The following FAM149B1 variants were observed in gnomAD, a reference collection of about 807,000 sequenced individuals.
FAM149B1 encodes primary cilium assembly protein FAM149B1.
A neutral mutation model predicts 75.3 loss-of-function variants in FAM149B1; 56 were observed. The ratio of observed to expected loss-of-function variants is 0.74; its 90% confidence interval spans 0.60 to 0.93. The LOEUF (loss-of-function observed/expected upper bound fraction) is 0.93, where lower values mean the gene tolerates loss of function less well. FAM149B1 is among the 40% of genes least tolerant of loss of function. The pLI is 0.00. For missense variants in FAM149B1, 639 were observed against 708.4 expected, an observed-to-expected ratio of 0.90 and a Z score of 1.11; for synonymous variants, 259 against 256.1, an observed-to-expected ratio of 1.01 and a Z score of -0.11.
In FAM149B1 at chr10:73,225,236, C is replaced by A. The variant is rs558284080; in HGVS notation, c.899-2824C>A. Among the ~76,000 whole-genome samples the A allele has an allele frequency of 1.5e-4, 23 of 152,280 alleles. No individual in the cohort carries two copies. The South Asian group carries it at 4.8e-3, about 32-fold the overall frequency. Reference sequence around the variant, plus strand: ...TCTTTTAAAGTTAACTGTAAAATAGCCTCAGGTAGGTCCTTCAGGAGGTAT... The same window carrying A: ...TCTTTTAAAGTTAACTGTAAAATAGACTCAGGTAGGTCCTTCAGGAGGTAT... On this transcript the variant is annotated intron_variant, in intron 7 of 13. Coordinates refer to ENST00000242505, the MANE Select transcript of FAM149B1 (RefSeq NM_173348.2).
At chr10:73,171,970 A>G (rs1212960769) in intron 1 of FAM149B1, among the ~76,000 whole-genome samples, 1 of 152,148 alleles carries the variant, frequency 6.6e-6, no homozygotes, top group African/African-American at 2.4e-5. Context: ...TCTGTGAAAT[A>G]ACGAAAGCAA....
intron 3 of FAM149B1, among the ~76,000 whole-genome samples, chr10:73,188,660 G>A (rs1403904553): frequency 1.3e-5 from 2 of 151,676 alleles, no homozygotes; most frequent in Non-Finnish European, 2.9e-5. Context: ...GGTGGAGGTT[G>A]CAGTGAGGTG....
Position 73,177,800 on chromosome 10 carries a change from T to C in FAM149B1, c.153-46T>C, listed in dbSNP as rs899562884. On this transcript the variant is annotated intron_variant, in intron 2 of 13. Transcript: ENST00000242505. ...AATGCCACAGAAACTTGAGGACATA[T>C]GAAAAATTTTCTTTTTTCTCTCCTC... The C allele has an allele frequency of 2.5e-5, 38 of 1,540,470 alleles. No individual in the cohort carries two copies. The African/African-American group carries it at 4.4e-4, about 18-fold the overall frequency.
intron 7 of FAM149B1, among the ~76,000 whole-genome samples, chr10:73,214,588 T>C (rs1487300697): frequency 6.6e-6 from 1 of 152,272 alleles, no homozygotes; most frequent in Non-Finnish European, 1.5e-5. Context: ...ATTCTGTTTA[T>C]ATGATGTATC....
intron 7 of FAM149B1, among the ~76,000 whole-genome samples, chr10:73,226,492 G>A (rs1375485126): frequency 1.3e-5 from 2 of 152,144 alleles, no homozygotes; most frequent in African/African-American, 2.4e-5. Flanking sequence ...GCAACAGAGC[G>A]AGACTCTGTC....
intron 3 of FAM149B1, among the ~76,000 whole-genome samples, chr10:73,188,132 G>A (rs1161279203): frequency 2.6e-5 from 4 of 152,078 alleles, no homozygotes; most frequent in Non-Finnish European, 4.4e-5. Context: ...AAAGATGGAC[G>A]TGTAGTCAAT....
chr10:73,235,428 A>G, intron 12 of FAM149B1, 110 bp downstream of exon 12: 1 of 1,475,836 alleles, frequency 6.8e-7, no homozygotes, highest in Non-Finnish European at 9.0e-7. Context: ...ACCCAGAATA[A>G]AAGTTGAGTT....
rs556654714 is a variant in FAM149B1 at position 73,213,888 on chromosome 10, G to A, written c.898+3450G>A. Among the ~76,000 whole-genome samples the A allele has an allele frequency of 2.1e-3, 322 of 152,068 alleles. 1 individual carries two copies. The highest frequency in any genetic ancestry group is 5.6e-3 in the South Asian group (27 of 4,812). On this transcript the variant is annotated intron_variant, in intron 7 of 13. Coordinates refer to ENST00000242505, the MANE Select transcript of FAM149B1 (RefSeq NM_173348.2). The stretch of plus-strand genomic sequence containing the variant: ...ATTGGTAATTTGATAGGGATTGTGT[G>A]GAATCTGTAGACTGATTGATCTGTA...
intron 7 of FAM149B1, among the ~76,000 whole-genome samples, chr10:73,223,286 AAATTTTGTAAG>A (rs1247731787): frequency 6.6e-6 from 1 of 152,176 alleles, no homozygotes; most frequent in Non-Finnish European, 1.5e-5. Flanking sequence ...GCCTGTTTTA[AAATTTTGTAAG>A]AATGGATTCA....
chr10:73,211,216 G>A (rs1253304434), intron 7 of FAM149B1, among the ~76,000 whole-genome samples: 4 of 152,116 alleles, frequency 2.6e-5, no homozygotes, highest in Non-Finnish European at 1.5e-5. Flanking sequence ...GTTGGCCATC[G>A]CTGATTAACT....
At chr10:73,200,577 G>A in intron 5 of FAM149B1, 1 of 745,216 alleles carries the variant, frequency 1.3e-6, no homozygotes, top group Non-Finnish European at 2.2e-6. Flanking sequence ...GAAATGTTCA[G>A]CCAAGGGTTT....
At chr10:73,232,055 C>T (rs1473453185) in intron 9 of FAM149B1, among the ~76,000 whole-genome samples, 1 of 152,114 alleles carries the variant, frequency 6.6e-6, no homozygotes, top group East Asian at 1.9e-4. Flanking sequence ...ATGTTTTGCA[C>T]TAGAGGACAC....
Position 73,241,059 on chromosome 10 carries a change from G to C in FAM149B1, c.*40G>C. 8.8e-7 allele frequency: 1 copy of C among 1,132,276 alleles called. No homozygotes were observed. The highest frequency in any genetic ancestry group is 1.3e-6 in the Non-Finnish European group (1 of 769,404). 70.1% of individuals were successfully genotyped at this position (1,132,276 alleles called of 1,614,324 possible). ...ATCTATCAGGCTGCAGGAAACACGA[G>C]ATTTCATGAAGCAGTATTCAGTCAT... On this transcript the variant is annotated 3_prime_UTR_variant, in exon 14 of 14. Transcript: ENST00000242505.
chr10:73,188,000 T>C (rs977014676), intron 3 of FAM149B1, among the ~76,000 whole-genome samples: 6 of 151,970 alleles, frequency 3.9e-5, no homozygotes, highest in Non-Finnish European at 7.4e-5. Flanking sequence ...GGAGAATCAC[T>C]TGAACCCAGG....
In FAM149B1 at chr10:73,228,150, CA is replaced by C. The variant is rs1033275489; in HGVS notation, c.990del (p.Gln331SerfsTer12). The C allele has an allele frequency of 3.2e-6, 5 of 1,551,490 alleles. No homozygotes were observed. In the African/African-American group the frequency reaches 6.8e-5, roughly 21 times the overall value. On this transcript the variant is annotated frameshift_variant, in exon 8 of 14. Coordinates refer to ENST00000242505, the MANE Select transcript of FAM149B1 (RefSeq NM_173348.2). LOFTEE classifies it high-confidence loss of function. ...CATCCTTTGGTGTTACCGCGAGTGC[CA>C]CAGTCTAAGGTGCTGTACATTACCT... ...ELHPLVLPRV[P>X]QSKVLYITSN...
At chr10:73,176,776 C>T (rs2133302272) in intron 2 of FAM149B1, among the ~76,000 whole-genome samples, 1 of 152,224 alleles carries the variant, frequency 6.6e-6, no homozygotes, top group South Asian at 2.1e-4. Context: ...CCTGTAGTCC[C>T]AGCACTTTGG....
intron 2 of FAM149B1, among the ~76,000 whole-genome samples, chr10:73,175,699 CATAA>C (rs1487678193): frequency 3.4e-5 from 5 of 146,568 alleles, no homozygotes; most frequent in African/African-American, 1.2e-4. Context: ...AAAGAAAAAA[CATAA>C]ATTAAATAAA....
At chr10:73,229,873 G>A (rs1050474894) in intron 8 of FAM149B1, among the ~76,000 whole-genome samples, 1 of 152,162 alleles carries the variant, frequency 6.6e-6, no homozygotes, top group Non-Finnish European at 1.5e-5. Flanking sequence ...GGCTCTAGGG[G>A]GGCAATGCCA....
chr10:73,238,333 C>A (rs753528229), intron 12 of FAM149B1, among the ~76,000 whole-genome samples: 2 of 152,046 alleles, frequency 1.3e-5, no homozygotes, highest in Non-Finnish European at 2.9e-5. Context: ...GGCGACAGAG[C>A]GAGAAGACTC....
Sources: allele counts gnomAD v4.1 joint callset (sites outside exome capture counted in the v4.1 genomes callset), GRCh38; gene constraint gnomAD v4.1.1; transcripts MANE v1.5; gene names NCBI Gene and HGNC (gene_info 2026-07-23, HGNC 2026-07-21).